The following GPC5 variants were observed in gnomAD, a reference collection of about 807,000 sequenced individuals.
The protein encoded by GPC5 is glypican-5.
GPC5 carries 47 observed loss-of-function variants against 53.9 expected under a neutral mutation model. The observed-to-expected ratio is 0.87, with a 90% CI of 0.69 to 1.11. The LOEUF is 1.11. Ranked by LOEUF, GPC5 falls within the 50% of genes most tolerant of loss-of-function variation. GPC5 has a pLI of 0.00. For synonymous variants in GPC5, 286 were observed against 263.3 expected (o/e 1.09, Z -0.84); for missense variants, 748 against 713.1 (o/e 1.05, Z -0.56).
chr13:91,561,785 T>C (rs752206740), intron 2 of GPC5, among the ~76,000 whole-genome samples: 21 of 151,346 alleles, frequency 1.4e-4, no homozygotes, highest in Non-Finnish European at 1.5e-4. Flanking sequence ...AAATATGCAA[T>C]GTGGTCACTC....
chr13:92,719,627 A>C (rs965717788), intron 7 of GPC5, among the ~76,000 whole-genome samples: 6 of 152,162 alleles, frequency 3.9e-5, no homozygotes, highest in African/African-American at 1.4e-4. Context: ...AAATCCTAAC[A>C]AGTATATAGA....
intron 7 of GPC5, among the ~76,000 whole-genome samples, chr13:92,293,422 CTTTTTTTTTT>C (rs748125673): frequency 2.2e-4 from 17 of 77,282 alleles, no homozygotes; most frequent in Middle Eastern, 0.01. Context: ...TGGTTGGTTT[CTTTTTTTTTT>C]TTTTTTTTTT....
intron 7 of GPC5, among the ~76,000 whole-genome samples, chr13:92,488,026 T>A (rs1879621705): frequency 6.6e-6 from 1 of 152,044 alleles, no homozygotes; most frequent in East Asian, 1.9e-4. Context: ...TCAAACTGTA[T>A]ACTTATAATA....
intron 7 of GPC5, among the ~76,000 whole-genome samples, chr13:92,758,386 TAGTG>T (rs1317214567): frequency 6.7e-6 from 1 of 148,824 alleles, no homozygotes; most frequent in Non-Finnish European, 1.5e-5. Flanking sequence ...GATGACGAGT[TAGTG>T]GGTGCAGCGC....
intron 6 of GPC5, among the ~76,000 whole-genome samples, chr13:92,129,056 TG>T (rs1458922094): frequency 1.3e-5 from 2 of 152,128 alleles, no homozygotes; most frequent in African/African-American, 4.8e-5. Context: ...CTCAAAAACA[TG>T]GCCAACCCCC....
At chr13:91,744,488 A>G (rs1052992847) in intron 4 of GPC5, among the ~76,000 whole-genome samples, 1 of 152,164 alleles carries the variant, frequency 6.6e-6, no homozygotes, top group African/African-American at 2.4e-5. Context: ...GGAATGAAAG[A>G]TATGGAGGAT....
At chr13:91,868,739 A>G (rs1460702791) in intron 5 of GPC5, among the ~76,000 whole-genome samples, 3 of 152,174 alleles carry the variant, frequency 2.0e-5, no homozygotes, top group African/African-American at 7.2e-5. Flanking sequence ...TTAGCTGAAA[A>G]AGAACACAAA....
rs1195997983 is a variant in GPC5, at chr13:91,645,989, C to A, written c.326-47198C>A. On this transcript the variant is annotated intron_variant, in intron 2 of 7. Coordinates refer to ENST00000377067, the MANE Select transcript of GPC5 (RefSeq NM_004466.6). Reference sequence around the variant, plus strand: ...GGTAACATGTTGGTAGCAGGTAACACACAGGTCAACCTCATTCATTTCCTA... The same window carrying A: ...GGTAACATGTTGGTAGCAGGTAACAAACAGGTCAACCTCATTCATTTCCTA... Among the ~76,000 whole-genome samples the A allele has an allele frequency of 2.0e-5, 3 of 152,178 alleles. No individual in the cohort carries two copies. In the East Asian group the frequency reaches 5.8e-4, roughly 29 times the overall value.
chr13:91,589,702 A>G (rs544167056), intron 2 of GPC5, among the ~76,000 whole-genome samples: 1 of 152,102 alleles, frequency 6.6e-6, no homozygotes, highest in African/African-American at 2.4e-5. Context: ...TCTTAGATTT[A>G]CTCAAGTTTG....
chr13:92,521,972 T>C (rs1881070421), intron 7 of GPC5, among the ~76,000 whole-genome samples: 1 of 152,126 alleles, frequency 6.6e-6, no homozygotes, highest in East Asian at 1.9e-4. Context: ...GTGAAGGATA[T>C]GAACAGACAC....
chr13:92,682,782 A>G (rs545518285), intron 7 of GPC5, among the ~76,000 whole-genome samples: 1 of 152,204 alleles, frequency 6.6e-6, no homozygotes, highest in South Asian at 2.1e-4. Flanking sequence ...TATTTCAAGA[A>G]ATTTTCAGTT....
chr13:92,136,268 A>G (rs1323546320), intron 6 of GPC5, among the ~76,000 whole-genome samples: 1 of 152,168 alleles, frequency 6.6e-6, no homozygotes, highest in Non-Finnish European at 1.5e-5. Flanking sequence ...ACATTTCCTT[A>G]TGGGTTTCAC....
At chr13:91,432,213 G>GTA (rs1566390234) in intron 1 of GPC5, among the ~76,000 whole-genome samples, 18 of 125,486 alleles carry the variant, frequency 1.4e-4, no homozygotes, top group South Asian at 1.3e-3. Flanking sequence ...CTGTGTGTGT[G>GTA]TGTGTGTGTG....
chr13:92,564,684 C>G lies in GPC5; in HGVS notation c.1562-301598C>G, dbSNP rs141914463. 8.9e-3 allele frequency among the ~76,000 whole-genome samples: 1,355 copies of G among 152,046 alleles called. 17 individuals carry two copies. The highest frequency in any genetic ancestry group is 0.031 in the African/African-American group (1,300 of 41,520). ...GTCCTTTTTCCCCTTCTTCTCTCCTCCCTCTAGCAGACCCCACTGTCTATT... is the reference window on the plus strand; with the variant it reads ...GTCCTTTTTCCCCTTCTTCTCTCCTGCCTCTAGCAGACCCCACTGTCTATT... On this transcript the variant is annotated intron_variant, in intron 7 of 7. Transcript: ENST00000377067.
intron 7 of GPC5, among the ~76,000 whole-genome samples, chr13:92,427,688 G>C (rs1003546516): frequency 6.6e-6 from 1 of 152,024 alleles, no homozygotes; most frequent in Non-Finnish European, 1.5e-5. Flanking sequence ...TGATTCCATT[G>C]AGTCAAGTGA....
chr13:92,611,689 T>G (rs1476170563), intron 7 of GPC5, among the ~76,000 whole-genome samples: 3 of 152,152 alleles, frequency 2.0e-5, no homozygotes, highest in Non-Finnish European at 4.4e-5. Context: ...AAACACTTAT[T>G]TAATGAATTT....
chr13:91,809,397 T>C (rs2038274905), intron 5 of GPC5, among the ~76,000 whole-genome samples: 1 of 152,158 alleles, frequency 6.6e-6, no homozygotes, highest in African/African-American at 2.4e-5. Context: ...TGACACTAAG[T>C]TTGACTAACA....
rs1253847650 is a variant in GPC5, at chr13:92,527,223, AAG to A, written c.1562-339057_1562-339056del. 1.3e-3 allele frequency among the ~76,000 whole-genome samples: 61 copies of A among 47,234 alleles called. 2 individuals are homozygous for A. The highest frequency in any genetic ancestry group is 5.8e-3 in the Admixed American group (24 of 4,118). 31.0% of individuals were successfully genotyped at this position (47,234 alleles called of 152,430 possible). A position where few individuals can be genotyped will look rare whatever the true frequency, so the allele number is the denominator to read the frequency against. The stretch of plus-strand genomic sequence containing the variant: ...AAAGAAAGAAAGAAAGAAAGAAAGA[AAG>A]AAAGAAAGAAAGAAAGAAAGAAAGA... On this transcript the variant is annotated intron_variant, in intron 7 of 7. Transcript: ENST00000377067.
chr13:91,504,372 A>G (rs1884821611), intron 2 of GPC5, among the ~76,000 whole-genome samples: 1 of 152,142 alleles, frequency 6.6e-6, no homozygotes, highest in Non-Finnish European at 1.5e-5. Flanking sequence ...ATTGTTATTC[A>G]TTAATAACAT....
Sources: allele counts gnomAD v4.1 joint callset (sites outside exome capture counted in the v4.1 genomes callset), GRCh38; gene constraint gnomAD v4.1.1; transcripts MANE v1.5; gene names NCBI Gene and HGNC (gene_info 2026-07-23, HGNC 2026-07-21).